BMPER: variants seen among roughly 807,000 people sequenced by gnomAD.
BMPER encodes the protein BMP-binding endothelial regulator protein.
In BMPER, 45 loss-of-function variants were observed where a neutral mutation model predicts 87.3. The ratio of observed to expected loss-of-function variants is 0.52; its 90% CI spans 0.41 to 0.66. BMPER has a LOEUF of 0.66. BMPER is among the 30% of genes least tolerant of loss of function. The pLI, the probability that BMPER is intolerant of heterozygous loss-of-function variation, is 0.00. For synonymous variants in BMPER, 326 were observed against 316.2 expected (o/e 1.03, Z -0.33); for missense variants, 784 against 867.5 (o/e 0.90, Z 1.21).
intron 13 of BMPER, among the ~76,000 whole-genome samples, chr7:34,135,441 A>G (rs966555932): frequency 3.3e-5 from 5 of 152,156 alleles, no homozygotes; most frequent in Non-Finnish European, 7.3e-5. Context: ...GGAGATTATG[A>G]GGATTTGGAT....
At chr7:34,039,640 ACACT>A (rs746043889) in intron 6 of BMPER, among the ~76,000 whole-genome samples, 3 of 148,352 alleles carry the variant, frequency 2.0e-5, no homozygotes, top group Non-Finnish European at 4.5e-5. Flanking sequence ...ACACACACAC[ACACT>A]TATACCACTG....
intron 13 of BMPER, among the ~76,000 whole-genome samples, chr7:34,094,595 T>C (rs1483208393): frequency 2.0e-5 from 3 of 152,212 alleles, no homozygotes; most frequent in African/African-American, 4.8e-5. Flanking sequence ...GGTACAGGTG[T>C]CAAGTTGGTT....
intron 2 of BMPER, among the ~76,000 whole-genome samples, chr7:33,912,636 A>T (rs1316093462): frequency 1.3e-5 from 2 of 152,214 alleles, no homozygotes; most frequent in African/African-American, 4.8e-5. Context: ...TAAATAAAGG[A>T]TATCAGTTTT....
chr7:33,919,636 T>C (rs548032385), intron 2 of BMPER, among the ~76,000 whole-genome samples: 4 of 152,148 alleles, frequency 2.6e-5, no homozygotes, highest in Non-Finnish European at 4.4e-5. Context: ...AGGCAAATGA[T>C]TGATTGATGG....
chr7:34,113,536 G>A (rs951376810), intron 13 of BMPER, among the ~76,000 whole-genome samples: 7 of 149,762 alleles, frequency 4.7e-5, no homozygotes, highest in African/African-American at 1.5e-4. Flanking sequence ...TATTTTTTTT[G>A]AACCATCTAG....
intron 6 of BMPER, among the ~76,000 whole-genome samples, chr7:33,989,067 A>G (rs1426918304): frequency 2.2e-5 from 3 of 133,618 alleles, no homozygotes; most frequent in Non-Finnish European, 4.7e-5. Flanking sequence ...ATAATGCCGC[A>G]ATAAACATAC....
At chr7:33,994,361 C>G (rs1037346815) in intron 6 of BMPER, among the ~76,000 whole-genome samples, 1 of 152,178 alleles carries the variant, frequency 6.6e-6, no homozygotes, top group Non-Finnish European at 1.5e-5. Flanking sequence ...GCGCGGTATT[C>G]GGGTGGGAGT....
At chr7:33,965,631 G>A (rs1785386772) in intron 3 of BMPER, among the ~76,000 whole-genome samples, 1 of 152,092 alleles carries the variant, frequency 6.6e-6, no homozygotes. Flanking sequence ...TTTGCCTAGT[G>A]GGCTTCTAAG....
At chr7:34,149,138 AC>A (rs1791105587) in intron 14 of BMPER, among the ~76,000 whole-genome samples, 1 of 152,256 alleles carries the variant, frequency 6.6e-6, no homozygotes, top group African/African-American at 2.4e-5. Context: ...CCTCATCGAT[AC>A]ACTCTCTTCA....
intron 3 of BMPER, among the ~76,000 whole-genome samples, chr7:33,941,017 T>A (rs1409501883): frequency 7.5e-6 from 1 of 133,266 alleles, no homozygotes. Flanking sequence ...ATGTAATATA[T>A]TTACATATAA....
chr7:34,148,758 G>A (rs1450221447), intron 14 of BMPER, among the ~76,000 whole-genome samples: 5 of 152,142 alleles, frequency 3.3e-5, no homozygotes, highest in Non-Finnish European at 7.4e-5. Flanking sequence ...AGGTCAGAGA[G>A]AGGAAAAAAC....
intron 13 of BMPER, among the ~76,000 whole-genome samples, chr7:34,100,589 C>T (rs1482467004): frequency 6.6e-6 from 1 of 152,214 alleles, no homozygotes; most frequent in Non-Finnish European, 1.5e-5. Context: ...CAGAATCTCA[C>T]CTGTCTATGA....
chr7:34,044,296 T>C (rs897456612), intron 6 of BMPER, among the ~76,000 whole-genome samples: 5 of 152,228 alleles, frequency 3.3e-5, no homozygotes, highest in Admixed American at 2.6e-4. Context: ...TTTGCAATTG[T>C]GCAATATTTT....
At chr7:34,107,114 C>T (rs1334021291) in intron 13 of BMPER, among the ~76,000 whole-genome samples, 1 of 152,180 alleles carries the variant, frequency 6.6e-6, no homozygotes, top group Non-Finnish European at 1.5e-5. Context: ...GCTTATTTCC[C>T]ATCCTCTCAA....
At chr7:33,991,718 A>C (rs1371176931) in intron 6 of BMPER, among the ~76,000 whole-genome samples, 1 of 149,960 alleles carries the variant, frequency 6.7e-6, no homozygotes, top group African/African-American at 2.5e-5. Context: ...TAGGGTGTCA[A>C]TTTTGGATCT....
At chr7:33,994,512 C>T (rs1199125417) in intron 6 of BMPER, among the ~76,000 whole-genome samples, 1 of 152,156 alleles carries the variant, frequency 6.6e-6, no homozygotes. Flanking sequence ...TGACCTGTGC[C>T]CACTGTCTGG....
At chr7:33,943,159 AC>A (rs1485157989) in intron 3 of BMPER, among the ~76,000 whole-genome samples, 2 of 152,006 alleles carry the variant, frequency 1.3e-5, no homozygotes, top group African/African-American at 2.4e-5. Flanking sequence ...AGCCTGTGAA[AC>A]CCACTCTGCT....
chr7:34,072,771 G>T (rs1189838844), intron 11 of BMPER, among the ~76,000 whole-genome samples: 1 of 152,130 alleles, frequency 6.6e-6, no homozygotes, highest in Admixed American at 6.5e-5. Flanking sequence ...GTCATATTAG[G>T]CATTAGAGGT....
intron 6 of BMPER, among the ~76,000 whole-genome samples, chr7:33,996,240 G>T (rs1281751831): frequency 6.6e-6 from 1 of 151,956 alleles, no homozygotes; most frequent in Non-Finnish European, 1.5e-5. Context: ...TTAAATAAAA[G>T]AAGTCCCAGC....
Sources: allele counts gnomAD v4.1 joint callset (sites outside exome capture counted in the v4.1 genomes callset), GRCh38; gene constraint gnomAD v4.1.1; transcripts MANE v1.5; gene names NCBI Gene and HGNC (gene_info 2026-07-23, HGNC 2026-07-21).